The following PTGIS variants were observed in gnomAD, a reference collection of about 807,000 sequenced individuals.
The protein encoded by PTGIS is prostacyclin synthase.
PTGIS carries 45 observed loss-of-function variants against 50.3 expected under a neutral mutation model. That is an observed-to-expected ratio of 0.90 (90% CI 0.70 to 1.15). The LOEUF (loss-of-function observed/expected upper bound fraction) is 1.15. Among genes scored for constraint, PTGIS ranks in the 50% most tolerant of loss-of-function variants. The pLI is 0.00. For synonymous variants in PTGIS, 260 were observed against 267.7 expected (o/e 0.97, Z 0.28); for missense variants, 668 against 661.3 (o/e 1.01, Z -0.11).
At chr20:49,550,294 T>A (rs1982474068) in intron 1 of PTGIS, 105 bp from the exon 2 acceptor site, 3 of 1,447,494 alleles carry the variant, frequency 2.1e-6, no homozygotes, top group Non-Finnish European at 2.9e-6. Context: ...GGAGGTAATC[T>A]GAATGGAGCA....
At chr20:49,554,843 A>G (rs1445368690) in intron 1 of PTGIS, among the ~76,000 whole-genome samples, 1 of 152,246 alleles carries the variant, frequency 6.6e-6, no homozygotes, top group African/African-American at 2.4e-5. Context: ...GTTTATGGAA[A>G]TTACATCTTA....
intron 5 of PTGIS, among the ~76,000 whole-genome samples, chr20:49,530,571 C>T (rs1981910674): frequency 6.6e-6 from 1 of 152,212 alleles, no homozygotes; most frequent in Non-Finnish European, 1.5e-5. Context: ...CTTTTCTCCA[C>T]ATCCTTGCCA....
chr20:49,544,683 A>AGAG (rs1247085299), intron 3 of PTGIS, among the ~76,000 whole-genome samples: 2 of 152,232 alleles, frequency 1.3e-5, no homozygotes, highest in African/African-American at 4.8e-5. Context: ...CCTGGGAATA[A>AGAG]GAGTTACTAT....
intron 5 of PTGIS, among the ~76,000 whole-genome samples, chr20:49,529,747 G>A (rs1981886204): frequency 6.6e-6 from 1 of 152,136 alleles, no homozygotes; most frequent in Non-Finnish European, 1.5e-5. Flanking sequence ...AACTGTCATG[G>A]TATGGTAGTA....
At chr20:49,523,273 A>C (rs1272815610) in intron 6 of PTGIS, among the ~76,000 whole-genome samples, 2 of 152,184 alleles carry the variant, frequency 1.3e-5, no homozygotes, top group Non-Finnish European at 2.9e-5. Context: ...AGGGATAAAA[A>C]AGCATGATAT....
In PTGIS at chr20:49,549,992, A is replaced by C. The variant is rs1601199946; in HGVS notation, c.198+74T>G. On this transcript the variant is annotated intron_variant, in intron 2 of 9. Coordinates refer to ENST00000244043, the MANE Select transcript of PTGIS (RefSeq NM_000961.4). Reference sequence around the variant, plus strand: ...GGGGTTGGCATAGGGACATATGTTGAAGGAATCAACAGAAACCAGATATGA... The same window carrying C: ...GGGGTTGGCATAGGGACATATGTTGCAGGAATCAACAGAAACCAGATATGA... 18 of 1,611,748 alleles carry C rather than the reference A, an allele frequency of 1.1e-5. No individual in the cohort carries two copies. The East Asian group carries it at 4.0e-4, about 36-fold the overall frequency.
intron 1 of PTGIS, 47 bp from the exon 2 acceptor site, chr20:49,550,236 G>A: frequency 6.2e-7 from 1 of 1,603,216 alleles, no homozygotes; most frequent in Non-Finnish European, 8.5e-7. Flanking sequence ...GCAAGGAAGG[G>A]CATAAAGAGT....
intron 8 of PTGIS, among the ~76,000 whole-genome samples, chr20:49,511,911 A>G (rs1981330526): frequency 1.3e-5 from 2 of 149,116 alleles, no homozygotes; most frequent in Admixed American, 1.3e-4. Flanking sequence ...ATGAATGGGT[A>G]GATTGATGGG....
chr20:49,567,939 G>T, intron 1 of PTGIS, 104 bp downstream of exon 1: 1 of 1,116,034 alleles, frequency 9.0e-7, no homozygotes, highest in Non-Finnish European at 1.2e-6. Flanking sequence ...ATACTGGAGC[G>T]GGACTCGGGC....
chr20:49,567,343 G>A (rs1982925320), intron 1 of PTGIS, among the ~76,000 whole-genome samples: 1 of 152,212 alleles, frequency 6.6e-6, no homozygotes, highest in African/African-American at 2.4e-5. Flanking sequence ...TGTGACATCT[G>A]ACCCTGGCTC....
intron 1 of PTGIS, among the ~76,000 whole-genome samples, chr20:49,559,216 A>G (rs1568686568): frequency 6.6e-6 from 1 of 152,128 alleles, no homozygotes; most frequent in Non-Finnish European, 1.5e-5. Context: ...ATTCTTATGG[A>G]AGATTGTTAG....
chr20:49,513,681 C>T (rs1424503755), intron 7 of PTGIS, among the ~76,000 whole-genome samples: 1 of 152,152 alleles, frequency 6.6e-6, no homozygotes, highest in East Asian at 1.9e-4. Flanking sequence ...TGGGATGGGG[C>T]TGTGACTGGC....
intron 9 of PTGIS, among the ~76,000 whole-genome samples, chr20:49,509,006 C>G (rs1489464527): frequency 6.6e-6 from 1 of 152,226 alleles, no homozygotes; most frequent in East Asian, 1.9e-4. Flanking sequence ...GGTGGGGATT[C>G]TTTTGTCTCA....
At chr20:49,526,158 A>T (rs1981789169) in intron 5 of PTGIS, among the ~76,000 whole-genome samples, 1 of 152,196 alleles carries the variant, frequency 6.6e-6, no homozygotes, top group South Asian at 2.1e-4. Context: ...CCAACCCCAG[A>T]TTGATCATGT....
chr20:49,530,388 G>A (rs1301858287), intron 5 of PTGIS, among the ~76,000 whole-genome samples: 2 of 152,088 alleles, frequency 1.3e-5, no homozygotes, highest in African/African-American at 4.8e-5. Context: ...GCAATGAATT[G>A]GAGGTGCAGA....
chr20:49,535,539 AG>A (rs1982047202), intron 5 of PTGIS, among the ~76,000 whole-genome samples: 1 of 152,166 alleles, frequency 6.6e-6, no homozygotes, highest in Admixed American at 6.6e-5. Context: ...TTTGAGATGG[AG>A]TCTTGCTCTG....
At chr20:49,544,148 C>T (rs771100005) in intron 4 of PTGIS, among the ~76,000 whole-genome samples, 157 bp downstream of exon 4, 1 of 152,160 alleles carries the variant, frequency 6.6e-6, no homozygotes, top group Admixed American at 6.5e-5. Context: ...CAGCCGGGGC[C>T]CTGGTGCATG....
chr20:49,518,326 G>A (rs1009123317), intron 6 of PTGIS, among the ~76,000 whole-genome samples: 1 of 152,204 alleles, frequency 6.6e-6, no homozygotes, highest in Non-Finnish European at 1.5e-5. Context: ...GGAGATCCCT[G>A]CACCTTTCCT....
Position 49,550,117 on chromosome 20 carries a change from A to G in PTGIS, c.147T>C (p.Asp49=). 6.2e-7 allele frequency: 1 copy of G among 1,614,204 alleles called. No individual in the cohort carries two copies. Among genetic ancestry groups the G allele is most frequent in the Non-Finnish European group, 8.5e-7 (1 of 1,180,032 alleles). ...WLGYALDFGK[D]AASFLTRMKE... is the part of the protein sequence containing the mutation. The stretch of plus-strand genomic sequence containing the variant: ...TCATCCTCGTGAGGAAGCTGGCAGC[A>G]TCTTTTCCAAAGTCCAAGGCATACC... Residue 49 remains aspartate, a synonymous_variant, in exon 2 of 10, where the codon GAT becomes GAC. Transcript: ENST00000244043.
Sources: gnomAD v4.1 joint callset for allele counts (sites outside exome capture counted in the v4.1 genomes callset) on GRCh38, gnomAD v4.1.1 for gene constraint, MANE v1.5 for transcripts, NCBI Gene and HGNC (gene_info 2026-07-23, HGNC 2026-07-21) for gene names.